Variants in DSP observed in about 807,000 individuals in gnomAD.
DSP encodes the protein 250/210 kDa paraneoplastic pemphigus antigen.
In DSP, 114 loss-of-function variants were observed where a neutral mutation model predicts 290.6. The ratio of observed to expected loss-of-function variants is 0.39; its 90% confidence interval spans 0.34 to 0.46. The LOEUF (loss-of-function observed/expected upper bound fraction) is 0.46. Among genes scored for constraint, DSP ranks in the 20% least tolerant of loss-of-function variants. The pLI, the probability that DSP is intolerant of heterozygous loss-of-function variation, is 0.99. For synonymous variants in DSP, 1,311 were observed against 1,316.4 expected (o/e 1.00, Z 0.09); for missense variants, 3,230 against 3,495.8 (o/e 0.92, Z 1.92).
chr6:7,576,058 T>C (rs1759231154), intron 18 of DSP, among the ~76,000 whole-genome samples: 1 of 152,212 alleles, frequency 6.6e-6, no homozygotes, highest in South Asian at 2.1e-4. Context: ...GATTGAATAA[T>C]ATTCCATTGT....
chr6:7,579,795 A>G lies in DSP; in HGVS notation c.3605A>G (p.Glu1202Gly). ...AAGGTAAGAAACCACTATAATGAGG[A>G]GATGAGTAATTTAAGGAACAAGTAT... ...LAKVRNHYNE[E>G]MSNLRNKYET... The change falls in exon 23 of 24, where the codon GAG becomes GGG. Residue 1202 changes from glutamate to glycine, a missense_variant. Glu to Gly is a moderately conservative substitution (Grantham distance 98). Around this residue, in one of 5 missense-constraint regions of DSP, gnomAD observed 1,714 missense variants for 1,844.5 expected, o/e 0.93. Coordinates refer to ENST00000379802, the MANE Select transcript of DSP (RefSeq NM_004415.4). This position sits in a 1 kb window ranked among gnomAD's most constrained non-coding sequence, Gnocchi z 4.1. 6.2e-7 allele frequency: 1 copy of G among 1,614,112 alleles called. No individual in the cohort carries two copies. Among genetic ancestry groups the G allele is most frequent in the Non-Finnish European group, 8.5e-7 (1 of 1,180,006 alleles).
In DSP at chr6:7,562,624, G is replaced by A. The variant is rs1427227632; in HGVS notation, c.598-28G>A. The A allele has an allele frequency of 3.7e-6, 6 of 1,613,554 alleles. No individual in the cohort carries two copies. The African/African-American group carries it at 6.7e-5, about 18-fold the overall frequency. ...CAGGTGCAAAGGGGCAACAACAAAG[G>A]GCGCCTCTCTTTGTCTTTGTGTCGC... On this transcript the variant is annotated intron_variant, in intron 4 of 23. Transcript: ENST00000379802.
chr6:7,585,644 A>G lies in DSP; in HGVS notation c.8382A>G (p.Val2794=), dbSNP rs1025921677. 5.6e-6 allele frequency: 9 copies of G among 1,614,238 alleles called. No homozygotes were observed. Among genetic ancestry groups the G allele is most frequent in the Non-Finnish European group, 6.8e-6 (8 of 1,180,050 alleles). ...SYKDAINRSM[V]EDITGLRLLE... ...AGGATGCCATAAATCGCTCCATGGTAGAAGATATCACTGGGCTGCGCCTTC... is the reference window on the plus strand; with the variant it reads ...AGGATGCCATAAATCGCTCCATGGTGGAAGATATCACTGGGCTGCGCCTTC... Residue 2794 remains valine (V), a synonymous_variant, in exon 24 of 24, where the codon GTA becomes GTG. Transcript: ENST00000379802.
chr6:7,557,681 A>AAAAAAT (rs890189933), intron 2 of DSP, among the ~76,000 whole-genome samples: 1 of 152,204 alleles, frequency 6.6e-6, no homozygotes, highest in Non-Finnish European at 1.5e-5. Flanking sequence ...CTCTGTCTCA[A>AAAAAAT]AAAAATAAAA....
In DSP at chr6:7,585,596, A is replaced by G. The variant is rs1290427538; in HGVS notation, c.8334A>G (p.Lys2778=). ...SSYAKILTCP[K]TKLKISYKDA... ...ATGCCAAAATCCTGACCTGCCCCAA[A>G]ACCAAATTAAAAATATCCTATAAGG... is the stretch of plus-strand genomic sequence containing the variant. The change falls in exon 24 of 24, where the codon AAA becomes AAG. Residue 2778 remains lysine, a synonymous_variant. Transcript: ENST00000379802. 6 of 1,614,154 alleles carry G rather than the reference A, an allele frequency of 3.7e-6. No homozygotes were observed. Among genetic ancestry groups the G allele is most frequent in the Non-Finnish European group, 4.2e-6 (5 of 1,180,016 alleles).
chr6:7,544,494 T>TC (rs569226466), intron 1 of DSP, among the ~76,000 whole-genome samples: 59 of 144,754 alleles, frequency 4.1e-4, no homozygotes, highest in African/African-American at 1.4e-3. Context: ...TTTCTTTCTT[T>TC]TTTTTTTTTT....
Position 7,576,352 on chromosome 6 carries a change from G to C in DSP, c.2689G>C (p.Ala897Pro), listed in dbSNP as rs1008407158. ...GAGGAATTATCGTGATAACTATCAG[G>C]CTTTCTGCAAGTGGCTCTATGATGC... Reference protein sequence around the residue: ...QLRNYRDNYQAFCKWLYDAKR... With the variant: ...QLRNYRDNYQPFCKWLYDAKR... The change falls in exon 19 of 24, where the codon GCT becomes CCT. Residue 897 changes from alanine to proline, a missense_variant. Physicochemically the swap from Ala to Pro is conservative, Grantham distance 27. Around this residue, in one of 5 missense-constraint regions of DSP, gnomAD observed 1,714 missense variants for 1,844.5 expected, o/e 0.93. Coordinates refer to ENST00000379802, the MANE Select transcript of DSP (RefSeq NM_004415.4). 15 of 1,613,980 alleles carry C rather than the reference G, an allele frequency of 9.3e-6. No individual in the cohort carries two copies. The highest frequency in any genetic ancestry group is 5.3e-5 in the African/African-American group (4 of 74,898).
At chr6:7,554,127 C>CACA (rs1171658955) in intron 1 of DSP, among the ~76,000 whole-genome samples, 262 of 23,978 alleles carry the variant, frequency 0.011, 2 homozygotes, top group African/African-American at 0.046. Context: ...ACACACACAC[C>CACA]CAGTTGGTTA....
chr6:7,579,470 A>G lies in DSP; in HGVS notation c.3280A>G (p.Lys1094Glu). Residue 1094 changes from lysine to glutamate, a missense_variant, in exon 23 of 24, where the codon AAG becomes GAG. Coordinates refer to ENST00000379802, the MANE Select transcript of DSP (RefSeq NM_004415.4). The surrounding 1 kb of genome is among the most constrained non-coding windows in gnomAD (Gnocchi z 4.1). ...GGCTGAGCTGGATGGGAAGTCGGCTAAGCAAAATCTAGACAAGTGCTACGG... is the reference window on the plus strand; with the variant it reads ...GGCTGAGCTGGATGGGAAGTCGGCTGAGCAAAATCTAGACAAGTGCTACGG... Reference protein sequence around the residue: ...RQAELDGKSAKQNLDKCYGQI... With the variant: ...RQAELDGKSAEQNLDKCYGQI... The G allele has an allele frequency of 6.2e-7, 1 of 1,614,138 alleles. No individual in the cohort carries two copies. Among genetic ancestry groups the G allele is most frequent in the Non-Finnish European group, 8.5e-7 (1 of 1,180,034 alleles).
In DSP at chr6:7,582,958, T is replaced by C; in HGVS notation, c.5696T>C (p.Ile1899Thr). 1 of 1,613,490 alleles carries C rather than the reference T, an allele frequency of 6.2e-7. No individual in the cohort carries two copies. Among genetic ancestry groups the C allele is most frequent in the Non-Finnish European group, 8.5e-7 (1 of 1,179,904 alleles). The change falls in exon 24 of 24, where the codon ATC (isoleucine) becomes ACC (threonine). Residue 1899 changes from isoleucine to threonine, a missense_variant. Physicochemically the swap from Ile to Thr is moderately conservative, Grantham distance 89. Around this residue, in one of 5 missense-constraint regions of DSP, gnomAD observed 1,714 missense variants for 1,844.5 expected, o/e 0.93. Transcript: ENST00000379802. The surrounding 1 kb of genome is among the most constrained non-coding windows in gnomAD (Gnocchi z 4.2). Reference sequence around the variant, plus strand: ...GAGAAGAACAGTCTTAGGAGTGAGATCGAAAGACTCCAAGCAGAGATCAAG... The same window carrying C: ...GAGAAGAACAGTCTTAGGAGTGAGACCGAAAGACTCCAAGCAGAGATCAAG... ...EREKNSLRSE[I>T]ERLQAEIKRI...
Position 7,585,825 on chromosome 6 carries a change from A to G in DSP, c.8563A>G (p.Asn2855Asp). The part of the protein sequence containing the change: ...SRRGSFDATG[N>D]SSYSYSYSFS... Reference sequence around the variant, plus strand: ...GAGAGGAAGCTTTGACGCCACAGGGAATTCTTCCTACTCTTATTCCTACTC... The same window carrying G: ...GAGAGGAAGCTTTGACGCCACAGGGGATTCTTCCTACTCTTATTCCTACTC... The change falls in exon 24 of 24, where the codon AAT (asparagine) becomes GAT (aspartate). Residue 2855 changes from asparagine (N) to aspartate (D), a missense_variant. Coordinates refer to ENST00000379802, the MANE Select transcript of DSP (RefSeq NM_004415.4). 1 of 1,612,792 alleles carries G rather than the reference A, an allele frequency of 6.2e-7. No individual in the cohort carries two copies. Among genetic ancestry groups the G allele is most frequent in the African/African-American group, 1.3e-5 (1 of 74,900 alleles).
chr6:7,545,477 C>G (rs1758146878), intron 1 of DSP, among the ~76,000 whole-genome samples: 1 of 152,194 alleles, frequency 6.6e-6, no homozygotes, highest in Non-Finnish European at 1.5e-5. Flanking sequence ...CACAGCCTGA[C>G]TTTTAGAATG....
chr6:7,562,914 C>T (rs1758747453), intron 5 of DSP, 134 bp downstream of exon 5: 2 of 1,345,836 alleles, frequency 1.5e-6, no homozygotes, highest in African/African-American at 2.9e-5. Context: ...TTTAGAAATC[C>T]CACTTCTTAA....
intron 1 of DSP, among the ~76,000 whole-genome samples, 159 bp from the exon 2 acceptor site, chr6:7,555,559 G>A (rs1273420609): frequency 6.6e-6 from 1 of 152,170 alleles, no homozygotes; most frequent in Non-Finnish European, 1.5e-5. Flanking sequence ...GGAGAAGGGG[G>A]ATAAAAGAAA....
chr6:7,559,120 G>T, intron 3 of DSP, 106 bp from the exon 4 acceptor site: 1 of 1,269,378 alleles, frequency 7.9e-7, no homozygotes, highest in South Asian at 1.3e-5. Context: ...TAAAACATTT[G>T]TAGCTTCTCT....
intron 18 of DSP, 42 bp downstream of exon 18, chr6:7,575,530 T>A (rs185081859): frequency 2.5e-6 from 4 of 1,611,776 alleles, no homozygotes; most frequent in Admixed American, 3.3e-5. Context: ...CTTCTCCCCT[T>A]TTGGTTGTTC....
At chr6:7,572,925 T>C (rs1340379790) in intron 15 of DSP, among the ~76,000 whole-genome samples, 4 of 152,212 alleles carry the variant, frequency 2.6e-5, no homozygotes, top group African/African-American at 9.6e-5. Flanking sequence ...AGTGTGTATC[T>C]AAATATATCT....
Position 7,586,201 on chromosome 6 carries a change from A to G in DSP, c.*323A>G, listed in dbSNP as rs1198603639. 8.2e-6 allele frequency: 2 copies of G among 242,508 alleles called. No individual in the cohort carries two copies. The highest frequency in any genetic ancestry group is 1.6e-5 in the Non-Finnish European group (2 of 125,046). 15.0% of individuals were successfully genotyped at this position (242,508 alleles called of 1,614,324 possible). A position where few individuals can be genotyped will look rare whatever the true frequency, so the allele number is the denominator to read the frequency against. On this transcript the variant is annotated 3_prime_UTR_variant, in exon 24 of 24. Transcript: ENST00000379802. ...ATCAATTCTTTAATTTTGGAAGCCT[A>G]TAATACAGTTTTCTATTCTTGGAGA...
At chr6:7,578,028 C>CTT (rs2113689360) in intron 21 of DSP, 142 bp downstream of exon 21, 1 of 709,454 alleles carries the variant, frequency 1.4e-6, no homozygotes, top group African/African-American at 1.7e-5. Flanking sequence ...CAGGGTACCA[C>CTT]TTTAAGAGGT....
Sources: gnomAD v4.1 joint callset for allele counts (sites outside exome capture counted in the v4.1 genomes callset) on GRCh38, gnomAD v4.1.1 for gene constraint, gnomAD v4.1.1 regional missense constraint, Gnocchi (gnomAD v3.1) non-coding constraint, MANE v1.5 for transcripts, NCBI Gene and HGNC (gene_info 2026-07-23, HGNC 2026-07-21) for gene names.